RGS19: variants seen among roughly 807,000 people sequenced by gnomAD.
RGS19 encodes the protein G alpha interacting protein.
A neutral mutation model predicts 22.0 loss-of-function variants in RGS19; 9 were observed. The ratio of observed to expected loss-of-function variants is 0.41; its 90% confidence interval spans 0.25 to 0.71. The LOEUF is 0.71. Ranked by LOEUF, RGS19 falls within the 30% of genes least tolerant of loss-of-function variation. The pLI, the probability that RGS19 is intolerant of heterozygous loss-of-function variation, is 0.32. For missense variants in RGS19, 256 were observed against 307.1 expected, an observed-to-expected ratio of 0.83 and a Z score of 1.24; for synonymous variants, 130 against 127.3, an observed-to-expected ratio of 1.02 and a Z score of -0.14.
chr20:64,077,285 A>AGCCCCTCCCG (rs528678103), intron 1 of RGS19, among the ~76,000 whole-genome samples: 50 of 152,260 alleles, frequency 3.3e-4, no homozygotes, highest in African/African-American at 1.2e-3. Context: ...TCCGGCTCCC[A>AGCCCCTCCCG]GCCCCTCCCA....
At position 64,073,985 on chromosome 20, in the gene RGS19, T is replaced by A. The variant is rs761797301; in HGVS notation, c.522A>T (p.Ala174=). ...GINKKMQEPS[A]HTFDDAQLQI... ...GCAGCTGCGCGTCGTCGAACGTGTG[T>A]GCGGACGGCTCCTGCATCTTCTTGT... The change falls in exon 6 of 6, where the codon GCA becomes GCT. Residue 174 remains alanine (A), a synonymous_variant. Coordinates refer to ENST00000395042, the MANE Select transcript of RGS19 (RefSeq NM_005873.3). 6.2e-7 allele frequency: 1 copy of A among 1,612,798 alleles called. No homozygotes were observed. Among genetic ancestry groups the A allele is most frequent in the East Asian group, 2.2e-5 (1 of 44,846 alleles).
intron 4 of RGS19, 22 bp downstream of exon 4, chr20:64,074,445 C>A: frequency 1.3e-6 from 2 of 1,578,722 alleles, no homozygotes; most frequent in Non-Finnish European, 1.7e-6. Flanking sequence ...CCAGCACGCA[C>A]ACACCAGCCG....
In RGS19 at chr20:64,073,569, A is replaced by G. The variant is rs1050192383; in HGVS notation, c.*284T>C. On this transcript the variant is annotated 3_prime_UTR_variant, in exon 6 of 6. Transcript: ENST00000395042. ...GGGGGGACCCCTACTCTCACCACGC[A>G]AGAGCCCCCAGCCAGGAGCACTGGG... The G allele has an allele frequency of 2.5e-6, 1 of 405,136 alleles. No homozygotes were observed. The highest frequency in any genetic ancestry group is 4.5e-6 in the Non-Finnish European group (1 of 223,470). The allele number at this position is 405,136 out of a possible 1,614,324, so 25.1% of individuals were successfully genotyped here. A position where few individuals can be genotyped will look rare whatever the true frequency, so the allele number is the denominator to read the frequency against.
chr20:64,077,609 CT>C (rs1005877551), intron 1 of RGS19, among the ~76,000 whole-genome samples: 1 of 152,220 alleles, frequency 6.6e-6, no homozygotes, highest in African/African-American at 2.4e-5. Context: ...TCCTTGCCCA[CT>C]GCCTCTAGGC....
intron 1 of RGS19, 26 bp from the exon 2 acceptor site, chr20:64,076,980 C>G: frequency 4.2e-6 from 5 of 1,198,882 alleles, no homozygotes; most frequent in Non-Finnish European, 5.6e-6. Context: ...AAGGTTCTGA[C>G]TGAGAACCTG....
rs911792782 is a variant in RGS19, at chr20:64,079,107, C to T, written c.-69+187G>A. Among the ~76,000 whole-genome samples, 15 of 152,224 alleles carry T rather than the reference C, an allele frequency of 9.9e-5. No individual in the cohort carries two copies. Among genetic ancestry groups the T allele is most frequent in the African/African-American group, 1.9e-4 (8 of 41,548 alleles). On this transcript the variant is annotated intron_variant, in intron 1 of 5. Coordinates refer to ENST00000395042, the MANE Select transcript of RGS19 (RefSeq NM_005873.3). This position sits in a 1 kb window ranked among gnomAD's most constrained non-coding sequence, Gnocchi z 5.1. ...CCACCCTCCACATCTGGCTGGTGGG[C>T]GAGCCCTGGCCTGGCCCCTCCAGGG...
At chr20:64,074,941 C>T (rs1439353245) in intron 3 of RGS19, among the ~76,000 whole-genome samples, 1 of 152,228 alleles carries the variant, frequency 6.6e-6, no homozygotes, top group Non-Finnish European at 1.5e-5. Context: ...CCATGCCCAC[C>T]CCACATGAGG....
At position 64,073,516 on chromosome 20, in the gene RGS19, CG is replaced by C. The variant is rs2059872697; in HGVS notation, c.*336del. On this transcript the variant is annotated 3_prime_UTR_variant, in exon 6 of 6. Transcript: ENST00000395042. Reference sequence around the variant, plus strand: ...TGGCTGCCTGGGGAGGAGGCCCCAGCGAGGCTCATGGGTCCAGCATGGCTCC... The same window carrying C: ...TGGCTGCCTGGGGAGGAGGCCCCAGCAGGCTCATGGGTCCAGCATGGCTCC... 8.7e-6 allele frequency: 2 copies of C among 229,160 alleles called. No homozygotes were observed. The highest frequency in any genetic ancestry group is 1.7e-5 in the Non-Finnish European group (2 of 117,168). 14.2% of individuals were successfully genotyped at this position (229,160 alleles called of 1,614,324 possible).
At position 64,074,289 on chromosome 20, in the gene RGS19, G is replaced by A. The variant is rs746290485; in HGVS notation, c.317C>T (p.Ala106Val). 7 of 1,613,132 alleles carry A rather than the reference G, an allele frequency of 4.3e-6. No individual in the cohort carries two copies. The highest frequency in any genetic ancestry group is 2.2e-5 in the East Asian group (1 of 44,890). ...CTCGCTGTACTCTGTCCGCAGGAAC[G>A]CCCGGAACACGCTGCGTCCCGCTGG... ...HSPAGRSVFR[A>V]FLRTEYSEEN... The change falls in exon 5 of 6, where the codon GCG becomes GTG. Residue 106 changes from alanine to valine, a missense_variant. Ala to Val is a moderately conservative substitution (Grantham distance 64). Transcript: ENST00000395042.
Position 64,073,948 on chromosome 20 carries a change from G to C in RGS19, c.559C>G (p.Leu187Val), listed in dbSNP as rs2059878729. ...FDDAQLQIYT[L>V]MHRDSYPRFL... Reference sequence around the variant, plus strand: ...CGGGGGTAGGAGTCCCGGTGCATGAGCGTGTAGATCTGCAGCTGCGCGTCG... The same window carrying C: ...CGGGGGTAGGAGTCCCGGTGCATGACCGTGTAGATCTGCAGCTGCGCGTCG... The change falls in exon 6 of 6, where the codon CTC becomes GTC. Residue 187 changes from leucine to valine, a missense_variant. Transcript: ENST00000395042. The C allele has an allele frequency of 6.2e-7, 1 of 1,613,732 alleles. No individual in the cohort carries two copies. Among genetic ancestry groups the C allele is most frequent in the African/African-American group, 1.3e-5 (1 of 74,930 alleles).
At chr20:64,074,432 C>A (rs758485477) in intron 4 of RGS19, 35 bp downstream of exon 4, 1 of 1,574,250 alleles carries the variant, frequency 6.4e-7, no homozygotes, top group Non-Finnish European at 8.6e-7. Flanking sequence ...GTCTGGGGCC[C>A]CCCCAGCACG....
rs79406239 is a variant in RGS19, at chr20:64,078,567, C to T, written c.-69+727G>A. ...CCCAGCTCTGAACTGGAGGAGGGGA[C>T]GTGTTTAGGGGTGCAGGGCCGGGGT... On this transcript the variant is annotated intron_variant, in intron 1 of 5. Coordinates refer to ENST00000395042, the MANE Select transcript of RGS19 (RefSeq NM_005873.3). Among the ~76,000 whole-genome samples the T allele has an allele frequency of 8.8e-3, 1,336 of 152,262 alleles. 16 individuals carry two copies. The highest frequency in any genetic ancestry group is 0.03 in the African/African-American group (1,245 of 41,548).
rs1307933872 is a variant in RGS19, at chr20:64,074,392, G to A, written c.228-14C>T. ...CTTGGCGTGGCACTGTGGGCACGGGGGCCAGGCTATGTCAGGCCCGAGTCT... is the reference window on the plus strand; with the variant it reads ...CTTGGCGTGGCACTGTGGGCACGGGAGCCAGGCTATGTCAGGCCCGAGTCT... On this transcript the variant is annotated splice_polypyrimidine_tract_variant and intron_variant, in intron 4 of 5. Transcript: ENST00000395042. The A allele has an allele frequency of 6.3e-7, 1 of 1,598,546 alleles. No individual in the cohort carries two copies. Among genetic ancestry groups the A allele is most frequent in the Non-Finnish European group, 8.5e-7 (1 of 1,172,030 alleles).
chr20:64,076,634 C>G lies in RGS19; in HGVS notation c.43G>C (p.Glu15Gln). Reference protein sequence around the residue: ...HEAEKQITGPEEADRPPSMSS... With the variant: ...HEAEKQITGPQEADRPPSMSS... ...ATTGAAGGGGGCCGGTCCGCCTCCTCTGGCCCTGTGATCTGGGGAAAAGTG... is the reference window on the plus strand; with the variant it reads ...ATTGAAGGGGGCCGGTCCGCCTCCTGTGGCCCTGTGATCTGGGGAAAAGTG... Residue 15 changes from glutamate (E) to glutamine (Q), a missense_variant, in exon 3 of 6, where the codon GAG (glutamate) becomes CAG (glutamine). Glu to Gln is a conservative substitution (Grantham distance 29). Transcript: ENST00000395042. 1 of 1,603,810 alleles carries G rather than the reference C, an allele frequency of 6.2e-7. No homozygotes were observed. Among genetic ancestry groups the G allele is most frequent in the Non-Finnish European group, 8.5e-7 (1 of 1,175,082 alleles).
rs774043159 is a variant in RGS19, at chr20:64,075,433, AC to A, written c.153-893del. Among the ~76,000 whole-genome samples, 1 of 152,150 alleles carries A rather than the reference AC, an allele frequency of 6.6e-6. No individual in the cohort carries two copies. Among genetic ancestry groups the A allele is most frequent in the Non-Finnish European group, 1.5e-5 (1 of 68,012 alleles). On this transcript the variant is annotated intron_variant, in intron 3 of 5. Transcript: ENST00000395042. This position sits in a 1 kb window ranked among gnomAD's most constrained non-coding sequence, Gnocchi z 4.6. The stretch of plus-strand genomic sequence containing the variant: ...TACCCGGCTGACCTCTCTCCAGGGC[AC>A]TTGGATGGCTGGCAGACATCGTGCA...
In RGS19 at chr20:64,075,189, G is replaced by C. The variant is rs1272315518; in HGVS notation, c.153-648C>G. ...ATGTGCCTGGGAACAGGGCCACCCT[G>C]CTCCTGGGCCTGATCTTGGCCTGTC... On this transcript the variant is annotated intron_variant, in intron 3 of 5. Transcript: ENST00000395042. The surrounding 1 kb of genome is among the most constrained non-coding windows in gnomAD (Gnocchi z 4.6). 6.6e-6 allele frequency among the ~76,000 whole-genome samples: 1 copy of C among 151,992 alleles called. No homozygotes were observed. Among genetic ancestry groups the C allele is most frequent in the Non-Finnish European group, 1.5e-5 (1 of 67,978 alleles).
chr20:64,075,440 T>C lies in RGS19; in HGVS notation c.153-899A>G, dbSNP rs2059897724. Reference sequence around the variant, plus strand: ...CTGACCTCTCTCCAGGGCACTTGGATGGCTGGCAGACATCGTGCACCCAAA... The same window carrying C: ...CTGACCTCTCTCCAGGGCACTTGGACGGCTGGCAGACATCGTGCACCCAAA... On this transcript the variant is annotated intron_variant, in intron 3 of 5. Coordinates refer to ENST00000395042, the MANE Select transcript of RGS19 (RefSeq NM_005873.3). This position sits in a 1 kb window ranked among gnomAD's most constrained non-coding sequence, Gnocchi z 4.6. Among the ~76,000 whole-genome samples, 1 of 152,190 alleles carries C rather than the reference T, an allele frequency of 6.6e-6. No homozygotes were observed. The highest frequency in any genetic ancestry group is 1.5e-5 in the Non-Finnish European group (1 of 68,026).
At chr20:64,076,318 G>A (rs761478552) in intron 3 of RGS19, among the ~76,000 whole-genome samples, 2 of 152,236 alleles carry the variant, frequency 1.3e-5, no homozygotes, top group Non-Finnish European at 2.9e-5. Context: ...AGACAGGTAC[G>A]AGAGCCATAC....
intron 3 of RGS19, among the ~76,000 whole-genome samples, chr20:64,076,011 A>G (rs1191284484): frequency 6.6e-6 from 1 of 152,040 alleles, no homozygotes; most frequent in East Asian, 1.9e-4. Context: ...CCTCCCGAGT[A>G]GCTGGGATTA....
Sources: gnomAD v4.1 joint callset for allele counts (sites outside exome capture counted in the v4.1 genomes callset) on GRCh38, gnomAD v4.1.1 for gene constraint, Gnocchi (gnomAD v3.1) non-coding constraint, MANE v1.5 for transcripts, NCBI Gene and HGNC (gene_info 2026-07-23, HGNC 2026-07-21) for gene names.